The following EIF3B variants were observed in gnomAD, a reference collection of about 807,000 sequenced individuals.
The protein encoded by EIF3B is eukaryotic translation initiation factor 3 subunit B, also known as eukaryotic translation initiation factor 3 subunit 9.
EIF3B carries 10 observed loss-of-function variants against 104.6 expected under a neutral mutation model. The observed-to-expected ratio is 0.10, with a 90% confidence interval of 0.06 to 0.16. EIF3B has a LOEUF of 0.16. Among genes scored for constraint, EIF3B ranks in the 10% least tolerant of loss-of-function variants. EIF3B has a pLI of 1.00. For synonymous variants in EIF3B, 542 were observed against 417.2 expected, an observed-to-expected ratio of 1.30 and a Z score of -3.65; for missense variants, 1,014 against 1,087.9, an observed-to-expected ratio of 0.93 and a Z score of 0.96.
At chr7:2,362,525 G>A in intron 2 of EIF3B, 120 bp from the exon 3 acceptor site, 1 of 1,281,016 alleles carries the variant, frequency 7.8e-7, no homozygotes, top group Admixed American at 2.0e-5. Context: ...CTCGAGGCAG[G>A]AAGAGCAGCA....
intron 9 of EIF3B, among the ~76,000 whole-genome samples, chr7:2,368,845 G>T (rs368193766): frequency 4.6e-5 from 7 of 152,322 alleles, no homozygotes; most frequent in South Asian, 4.1e-4. Flanking sequence ...GGACATTGAC[G>T]TTTCTTCTTT....
intron 12 of EIF3B, chr7:2,373,573 A>C (rs1164205978): frequency 6.6e-6 from 1 of 151,730 alleles, no homozygotes; most frequent in African/African-American, 2.4e-5. Context: ...TTTAGTTTTC[A>C]CTTTGCTAGA....
At position 2,373,187 on chromosome 7, in the gene EIF3B, C is replaced by G. The variant is rs139379590; in HGVS notation, c.1810+392C>G. The G allele has an allele frequency of 1.6e-3, 261 of 158,652 alleles. 2 individuals carry two copies. Among genetic ancestry groups the G allele is most frequent in the African/African-American group, 6.0e-3 (252 of 41,764 alleles). 9.8% of individuals were successfully genotyped at this position (158,652 alleles called of 1,614,324 possible). Reference sequence around the variant, plus strand: ...CCAGGGTGCGCAGAGCTGTTGCACACAGCTGTACTCTGCCCCCGTGCACCC... The same window carrying G: ...CCAGGGTGCGCAGAGCTGTTGCACAGAGCTGTACTCTGCCCCCGTGCACCC... On this transcript the variant is annotated intron_variant, in intron 12 of 18. Transcript: ENST00000360876.
chr7:2,366,643 G>A (rs746924223), intron 8 of EIF3B, 52 bp downstream of exon 8: 19 of 1,593,376 alleles, frequency 1.2e-5, no homozygotes, highest in South Asian at 3.3e-5. Flanking sequence ...GCTTGTAACC[G>A]GGGTGTGGTG....
At position 2,374,719 on chromosome 7, in the gene EIF3B, A is replaced by G. The variant is rs1583177881; in HGVS notation, c.1889+113A>G. On this transcript the variant is annotated intron_variant, in intron 13 of 18. Transcript: ENST00000360876. ...GGTAGAGAGAGTATTGTGCGCTGAA[A>G]GGGTTGCCCCAGTGTCAGTGGATAG... 8 of 1,012,544 alleles carry G rather than the reference A, an allele frequency of 7.9e-6. No homozygotes were observed. The East Asian group carries it at 1.7e-4, about 22-fold the overall frequency. 62.7% of individuals were successfully genotyped at this position (1,012,544 alleles called of 1,614,324 possible). A position where few individuals can be genotyped will look rare whatever the true frequency, so the allele number is the denominator to read the frequency against.
chr7:2,374,773 G>C (rs1054997323), intron 13 of EIF3B, 167 bp downstream of exon 13: 15 of 594,002 alleles, frequency 2.5e-5, no homozygotes, highest in Non-Finnish European at 3.8e-5. Flanking sequence ...CAGACCCACG[G>C]TACTCCAGGA....
In EIF3B at chr7:2,363,671, G is replaced by T; in HGVS notation, c.910G>T (p.Asp304Tyr). 1 of 1,614,054 alleles carries T rather than the reference G, an allele frequency of 6.2e-7. No individual in the cohort carries two copies. Among genetic ancestry groups the T allele is most frequent in the Non-Finnish European group, 8.5e-7 (1 of 1,179,950 alleles). ...RYWLEEAECR[D>Y]QYSVIFESGD... ...CTGGCTTGAAGAGGCAGAATGCAGA[G>T]ATCAGTACAGTGTGATTTTTGAGAG... The change falls in exon 5 of 19, where the codon GAT (aspartate) becomes TAT (tyrosine). Residue 304 changes from aspartate to tyrosine, a missense_variant. Around this residue, in one of 4 missense-constraint regions of EIF3B, gnomAD observed 201 missense variants for 240.7 expected, o/e 0.83. Coordinates refer to ENST00000360876, the MANE Select transcript of EIF3B (RefSeq NM_001037283.2).
chr7:2,367,825 A>ATTTTTTTTTTTT (rs71026506), intron 9 of EIF3B, among the ~76,000 whole-genome samples: 13 of 60,308 alleles, frequency 2.2e-4, no homozygotes, highest in East Asian at 1.2e-3. Flanking sequence ...TTTTTTTAAA[A>ATTTTTTTTTTTT]TTTTTTTTTT....
At chr7:2,361,617 C>CT (rs1779731619) in intron 2 of EIF3B, among the ~76,000 whole-genome samples, 1 of 151,630 alleles carries the variant, frequency 6.6e-6, no homozygotes, top group African/African-American at 2.4e-5. Context: ...GACGGGGTTT[C>CT]ACCATGTTAG....
Position 2,379,721 on chromosome 7 carries a change from G to A in EIF3B, c.*14+210G>A, listed in dbSNP as rs149254108. The A allele has an allele frequency of 1.4e-4, 78 of 547,816 alleles. No individual in the cohort carries two copies. The East Asian group carries it at 2.3e-3, about 16-fold the overall frequency. 33.9% of individuals were successfully genotyped at this position (547,816 alleles called of 1,614,324 possible). A position where few individuals can be genotyped will look rare whatever the true frequency, so the allele number is the denominator to read the frequency against. ...GCCCTCTGACCACATTGCAGATGGC[G>A]CCTTTCAGGCAGTGCTGGGTGAGGG... On this transcript the variant is annotated intron_variant, in intron 18 of 18. Transcript: ENST00000360876.
At position 2,379,503 on chromosome 7, in the gene EIF3B, A is replaced by T; in HGVS notation, c.*6A>T. 6.4e-7 allele frequency: 1 copy of T among 1,563,534 alleles called. No individual in the cohort carries two copies. The highest frequency in any genetic ancestry group is 8.7e-7 in the Non-Finnish European group (1 of 1,152,578). ...CCCTCGGGAATCAGGAGTGACCTGG[A>T]GCACTGTGGTGAGCGTCTGCAGGGG... On this transcript the variant is annotated 3_prime_UTR_variant, in exon 18 of 19. Coordinates refer to ENST00000360876, the MANE Select transcript of EIF3B (RefSeq NM_001037283.2).
intron 18 of EIF3B, 111 bp downstream of exon 18, chr7:2,379,622 C>T (rs1205603263): frequency 1.4e-6 from 1 of 736,108 alleles, no homozygotes; most frequent in East Asian, 2.7e-5. Context: ...AGGGTGAAGC[C>T]CTAGTGTCAT....
intron 15 of EIF3B, 57 bp from the exon 16 acceptor site, chr7:2,378,632 G>A (rs140571242): frequency 2.7e-6 from 4 of 1,501,296 alleles, no homozygotes; most frequent in Non-Finnish European, 3.7e-6. Context: ...TCTGAAGATT[G>A]CATTTGTGCT....
chr7:2,365,054 C>T (rs775815320), intron 6 of EIF3B, among the ~76,000 whole-genome samples: 21 of 152,374 alleles, frequency 1.4e-4, no homozygotes, highest in Admixed American at 3.9e-4. Context: ...CCAGGTCAAG[C>T]GGTTCTCCCA....
chr7:2,375,511 C>T lies in EIF3B; in HGVS notation c.2012C>T (p.Ser671Phe). ...PTGRYVVTSV[S>F]WWSHKVDNAY... ...GGGCGCTACGTCGTCACCTCTGTGT[C>T]CTGGTGGAGCCATAAGGTGCAGGCC... is the stretch of plus-strand genomic sequence containing the variant. The change falls in exon 14 of 19, where the codon TCC becomes TTC. Residue 671 changes from serine to phenylalanine, a missense_variant. Physicochemically the swap from Ser to Phe is radical, Grantham distance 155. Transcript: ENST00000360876. 6.2e-7 allele frequency: 1 copy of T among 1,614,212 alleles called. No individual in the cohort carries two copies. Among genetic ancestry groups the T allele is most frequent in the Non-Finnish European group, 8.5e-7 (1 of 1,180,050 alleles).
intron 18 of EIF3B, chr7:2,379,837 G>T (rs1194705013): frequency 8.8e-6 from 3 of 339,900 alleles, no homozygotes; most frequent in Non-Finnish European, 1.7e-5. Flanking sequence ...GACGGCCGCG[G>T]TGTGTCCACT....
In EIF3B at chr7:2,362,168, C is replaced by G. The variant is rs374663788; in HGVS notation, c.693-477C>G. Among the ~76,000 whole-genome samples the G allele has an allele frequency of 2.6e-5, 4 of 152,028 alleles. No homozygotes were observed. The East Asian group carries it at 7.7e-4, about 29-fold the overall frequency. On this transcript the variant is annotated intron_variant, in intron 2 of 18. Coordinates refer to ENST00000360876, the MANE Select transcript of EIF3B (RefSeq NM_001037283.2). ...AGAGACAGGGTTTCACCATGTTGGC[C>G]GGGCTGGTCTCGAACTCCTGACCTC... is the stretch of plus-strand genomic sequence containing the variant.
chr7:2,359,418 G>T (rs1199168130), intron 1 of EIF3B, among the ~76,000 whole-genome samples: 2 of 152,126 alleles, frequency 1.3e-5, no homozygotes, highest in African/African-American at 4.8e-5. Context: ...TCTATAATGA[G>T]ATCTTCATAG....
At position 2,370,142 on chromosome 7, in the gene EIF3B, A is replaced by T. The variant is rs539765630; in HGVS notation, c.1614+460A>T. Among the ~76,000 whole-genome samples the T allele has an allele frequency of 1.6e-3, 242 of 151,646 alleles. 1 individual carries two copies. The highest frequency in any genetic ancestry group is 5.7e-3 in the African/African-American group (234 of 41,398). ...TCAAGATTTATTTTTTTATTTTTTT[A>T]TTTTTGGTGGTTGATCATTTAATAT... On this transcript the variant is annotated intron_variant, in intron 10 of 18. Transcript: ENST00000360876.
Sources: gnomAD v4.1 joint callset for allele counts (sites outside exome capture counted in the v4.1 genomes callset) on GRCh38, gnomAD v4.1.1 for gene constraint, gnomAD v4.1.1 regional missense constraint, MANE v1.5 for transcripts, NCBI Gene and HGNC (gene_info 2026-07-23, HGNC 2026-07-21) for gene names.